PHACTR3: variants seen among roughly 807,000 people sequenced by gnomAD.
PHACTR3 encodes phosphatase and actin regulator 3.
In PHACTR3, 16 loss-of-function variants were observed where a neutral mutation model predicts 66.8. The ratio of observed to expected loss-of-function variants is 0.24; its 90% CI spans 0.16 to 0.36. The LOEUF (loss-of-function observed/expected upper bound fraction) is 0.36, where lower values mean the gene tolerates loss of function less well. Ranked by LOEUF, PHACTR3 falls within the 10% of genes least tolerant of loss-of-function variation. The pLI, the probability that PHACTR3 is intolerant of heterozygous loss-of-function variation, is 1.00. For missense variants in PHACTR3, 647 were observed against 719.9 expected, an observed-to-expected ratio of 0.90 and a Z score of 1.16; for synonymous variants, 323 against 292.1, an observed-to-expected ratio of 1.11 and a Z score of -1.08.
intron 8 of PHACTR3, among the ~76,000 whole-genome samples, chr20:59,810,286 G>T (rs934715591): frequency 2.6e-5 from 4 of 152,220 alleles, no homozygotes; most frequent in African/African-American, 9.7e-5. Context: ...CATGGGCCCT[G>T]TGGCTTGTTT....
chr20:59,767,165 T>C, intron 4 of PHACTR3, 21 bp from the exon 5 acceptor site: 1 of 1,613,836 alleles, frequency 6.2e-7, no homozygotes, highest in Non-Finnish European at 8.5e-7. Context: ...TTTTTAACTC[T>C]CTGCTTTGCC....
At chr20:59,673,876 C>A (rs892476771) in intron 1 of PHACTR3, among the ~76,000 whole-genome samples, 2 of 152,150 alleles carry the variant, frequency 1.3e-5, no homozygotes, top group Non-Finnish European at 1.5e-5. Context: ...GGTTTCCTCA[C>A]CTGACCTGCA....
intron 1 of PHACTR3, among the ~76,000 whole-genome samples, chr20:59,734,585 A>G (rs928623331): frequency 1.3e-5 from 2 of 151,960 alleles, no homozygotes; most frequent in Non-Finnish European, 2.9e-5. Context: ...TTTTTCTATT[A>G]TGTGTACTAA....
intron 1 of PHACTR3, among the ~76,000 whole-genome samples, chr20:59,735,036 C>T (rs1236141486): frequency 6.6e-6 from 1 of 152,068 alleles, no homozygotes; most frequent in African/African-American, 2.4e-5. Context: ...TACCTAGCAC[C>T]ACTTTGTCCC....
At chr20:59,601,743 G>A (rs2033484232), upstream of PHACTR3, among the ~76,000 whole-genome samples, 3 of 152,138 alleles carry the variant, frequency 2.0e-5, no homozygotes, top group South Asian at 6.2e-4. Context: ...TTTTAGTATG[G>A]AACATCTCAA....
At chr20:59,743,393 G>T (rs762233629) in intron 2 of PHACTR3, 125 bp downstream of exon 2, 25 of 1,253,520 alleles carry the variant, frequency 2.0e-5, no homozygotes, top group Non-Finnish European at 2.7e-5. Context: ...GTGCTTCATG[G>T]CCTGTGATGG....
At chr20:59,626,117 C>T (rs2034437318) in intron 1 of PHACTR3, among the ~76,000 whole-genome samples, 1 of 152,200 alleles carries the variant, frequency 6.6e-6, no homozygotes, top group African/African-American at 2.4e-5. Flanking sequence ...TGAAACCATT[C>T]TGAACTCTCC....
At chr20:59,725,125 G>T (rs968728597) in intron 1 of PHACTR3, among the ~76,000 whole-genome samples, 7 of 151,426 alleles carry the variant, frequency 4.6e-5, no homozygotes, top group Non-Finnish European at 8.8e-5. Context: ...AGTTCAGTGA[G>T]GCTATGCACT....
rs551143909 is a variant in PHACTR3, at chr20:59,762,382, C to G, written c.542-4804C>G. Among the ~76,000 whole-genome samples, 19 of 152,336 alleles carry G rather than the reference C, an allele frequency of 1.2e-4. No homozygotes were observed. In the East Asian group the frequency reaches 3.5e-3, roughly 28 times the overall value. Reference sequence around the variant, plus strand: ...TCAGTCCTGGGAAATCCAGAGCTCCCCTGTCCAGTGCAGTAGCCACTAGCC... The same window carrying G: ...TCAGTCCTGGGAAATCCAGAGCTCCGCTGTCCAGTGCAGTAGCCACTAGCC... On this transcript the variant is annotated intron_variant, in intron 4 of 12. Transcript: ENST00000371015.
intron 3 of PHACTR3, among the ~76,000 whole-genome samples, chr20:59,751,067 G>A (rs538304967): frequency 5.3e-5 from 8 of 152,356 alleles, no homozygotes; most frequent in East Asian, 1.9e-4. Flanking sequence ...TGCCCTCTCC[G>A]GCTCAGGGGA....
At chr20:59,748,096 G>C (rs1264757287) in intron 3 of PHACTR3, among the ~76,000 whole-genome samples, 1 of 152,244 alleles carries the variant, frequency 6.6e-6, no homozygotes, top group African/African-American at 2.4e-5. Flanking sequence ...ATGTCTAACA[G>C]AGCTGGGTGT....
rs186617779 is a variant in PHACTR3 at position 59,830,580 on chromosome 20, C to T, written c.1329-5925C>T. ...TTGGGGATCCAGGCCTGCAAGGAGG[C>T]GCTGGGCAGGATGGAGCCTGCAGCT... is the stretch of plus-strand genomic sequence containing the variant. On this transcript the variant is annotated intron_variant, in intron 8 of 12. Transcript: ENST00000371015. This position sits in a 1 kb window ranked among gnomAD's most constrained non-coding sequence, Gnocchi z 5.8. 1.4e-4 allele frequency among the ~76,000 whole-genome samples: 22 copies of T among 152,236 alleles called. No individual in the cohort carries two copies. Among genetic ancestry groups the T allele is most frequent in the Admixed American group, 3.3e-4 (5 of 15,306 alleles).
chr20:59,828,826 G>A (rs2042266297), intron 8 of PHACTR3, among the ~76,000 whole-genome samples: 1 of 152,140 alleles, frequency 6.6e-6, no homozygotes, highest in Admixed American at 6.5e-5. Context: ...CATCGTGGGA[G>A]TAGGAGTTAG....
intron 1 of PHACTR3, among the ~76,000 whole-genome samples, chr20:59,657,848 C>A (rs534433986): frequency 6.6e-6 from 1 of 151,918 alleles, no homozygotes; most frequent in Non-Finnish European, 1.5e-5. Context: ...AGGGTTTTTT[C>A]GCACTAAATT....
At chr20:59,739,092 G>T (rs563472171) in intron 1 of PHACTR3, among the ~76,000 whole-genome samples, 1 of 152,156 alleles carries the variant, frequency 6.6e-6, no homozygotes, top group Admixed American at 6.5e-5. Context: ...GAGGGTGGCC[G>T]GGAGGATCTG....
intron 1 of PHACTR3, among the ~76,000 whole-genome samples, chr20:59,659,138 C>T (rs189592050): frequency 6.9e-4 from 105 of 152,168 alleles, no homozygotes; most frequent in East Asian, 3.5e-3. Context: ...ACTGCTATCA[C>T]GATTATTTCA....
At chr20:59,632,314 G>T (rs1033000475) in intron 1 of PHACTR3, among the ~76,000 whole-genome samples, 2 of 152,162 alleles carry the variant, frequency 1.3e-5, no homozygotes, top group Admixed American at 6.5e-5. Context: ...CTGTCCACGT[G>T]GAATTGACCA....
chr20:59,781,747 T>A (rs2040734371), intron 7 of PHACTR3, among the ~76,000 whole-genome samples: 1 of 152,192 alleles, frequency 6.6e-6, no homozygotes, highest in South Asian at 2.1e-4. Flanking sequence ...AGTGACTATG[T>A]ACATATTAAT....
intron 8 of PHACTR3, among the ~76,000 whole-genome samples, chr20:59,823,066 T>C (rs1294426723): frequency 1.3e-5 from 2 of 152,280 alleles, no homozygotes; most frequent in South Asian, 2.1e-4. Context: ...AGGTGCTCCA[T>C]TGGTGCCTGT....
Sources: allele counts gnomAD v4.1 joint callset (sites outside exome capture counted in the v4.1 genomes callset), GRCh38; gene constraint gnomAD v4.1.1; non-coding constraint Gnocchi (gnomAD v3.1); transcripts MANE v1.5; gene names NCBI Gene and HGNC (gene_info 2026-07-23, HGNC 2026-07-21).